The following XPO5 variants were observed in gnomAD, a reference collection of about 807,000 sequenced individuals.
XPO5 encodes the protein exportin 5.
In XPO5, 46 loss-of-function variants were observed where a neutral mutation model predicts 160.6. The ratio of observed to expected loss-of-function variants is 0.29; its 90% CI spans 0.23 to 0.37. The LOEUF (loss-of-function observed/expected upper bound fraction) is 0.37. Among genes scored for constraint, XPO5 ranks in the 10% least tolerant of loss-of-function variants. The pLI is 1.00. For synonymous variants in XPO5, 537 were observed against 519.3 expected (o/e 1.03, Z -0.46); for missense variants, 1,090 against 1,463.9 (o/e 0.74, Z 4.17).
chr6:43,526,384 T>G (rs955136332), intron 27 of XPO5: 6 of 450,150 alleles, frequency 1.3e-5, no homozygotes, highest in Non-Finnish European at 2.0e-5. Flanking sequence ...GTAGCTGGGG[T>G]TGCCATTTTT....
Position 43,575,788 on chromosome 6 carries a change from G to C in XPO5, c.77C>G (p.Thr26Ser). Residue 26 changes from threonine to serine, a missense_variant, in exon 1 of 32, where the codon ACC (threonine) becomes AGC (serine). By Grantham distance (58) the Thr-to-Ser change is moderately conservative. Coordinates refer to ENST00000265351, the MANE Select transcript of XPO5 (RefSeq NM_020750.3). ...AVTVMMDPNS[T>S]QRYRLEALKF... ...GAGGGCTTCCAGCCGGTAGCGCTGG[G>C]TGGAGTTGGGGTCCATCATGACCGT... 1 of 1,613,742 alleles carries C rather than the reference G, an allele frequency of 6.2e-7. No homozygotes were observed. The highest frequency in any genetic ancestry group is 8.5e-7 in the Non-Finnish European group (1 of 1,179,704).
At chr6:43,543,740 G>C (rs560025616) in intron 20 of XPO5, among the ~76,000 whole-genome samples, 1 of 151,750 alleles carries the variant, frequency 6.6e-6, no homozygotes, top group East Asian at 1.9e-4. Context: ...TCTTCCCTGT[G>C]ATCTTGGCTC....
At position 43,576,035 on chromosome 6, in the gene XPO5, G is replaced by A; in HGVS notation, c.-171C>T. ...CGCGCTGGGAAGAAGCCGGCGCTGC[G>A]CACGCGCCCGGCCCGCCACTGCGCA... On this transcript the variant is annotated 5_prime_UTR_variant, in exon 1 of 32. Transcript: ENST00000265351. 1 of 565,148 alleles carries A rather than the reference G, an allele frequency of 1.8e-6. No homozygotes were observed. Among genetic ancestry groups the A allele is most frequent in the Non-Finnish European group, 3.0e-6 (1 of 332,514 alleles). 35.0% of individuals were successfully genotyped at this position (565,148 alleles called of 1,614,324 possible).
At position 43,529,213 on chromosome 6, in the gene XPO5, A is replaced by G. The variant is rs200844834; in HGVS notation, c.2678-288T>C. On this transcript the variant is annotated intron_variant, in intron 23 of 31. Transcript: ENST00000265351. ...AAATAGGAAGGAGGACATCCTTGTA[A>G]CAAACTCTCCTTCACCATTCTCCTT... The G allele has an allele frequency of 1.5e-4, 208 of 1,419,706 alleles. No homozygotes were observed. In the African/African-American group the frequency reaches 2.6e-3, roughly 18 times the overall value. The allele number at this position is 1,419,706 out of a possible 1,614,324, so 87.9% of individuals were successfully genotyped here.
At chr6:43,565,623 G>T (rs1273252587) in intron 8 of XPO5, 37 bp downstream of exon 8, 8 of 1,460,134 alleles carry the variant, frequency 5.5e-6, no homozygotes, top group Non-Finnish European at 7.4e-6. Flanking sequence ...AAATGACAAA[G>T]AAATTAGAAA....
chr6:43,523,555 G>A lies in XPO5; in HGVS notation c.*313C>T. ...CTGTACAGGTATGTGGCTGCACGGGGGTGGGAGGGCTTGTGGGAGAAGGGC... is the reference window on the plus strand; with the variant it reads ...CTGTACAGGTATGTGGCTGCACGGGAGTGGGAGGGCTTGTGGGAGAAGGGC... On this transcript the variant is annotated 3_prime_UTR_variant, in exon 32 of 32. Coordinates refer to ENST00000265351, the MANE Select transcript of XPO5 (RefSeq NM_020750.3). 3.7e-6 allele frequency: 2 copies of A among 534,010 alleles called. No homozygotes were observed. Among genetic ancestry groups the A allele is most frequent in the Non-Finnish European group, 7.3e-6 (2 of 273,676 alleles). 33.1% of individuals were successfully genotyped at this position (534,010 alleles called of 1,614,324 possible). A position where few individuals can be genotyped will look rare whatever the true frequency, so the allele number is the denominator to read the frequency against.
intron 15 of XPO5, among the ~76,000 whole-genome samples, chr6:43,550,383 AAAT>A: frequency 6.6e-6 from 1 of 152,312 alleles, no homozygotes; most frequent in East Asian, 1.9e-4. Context: ...TCTCCAACTC[AAAT>A]AATTTGCAAC....
intron 12 of XPO5, among the ~76,000 whole-genome samples, chr6:43,557,356 G>T (rs1181549745): frequency 6.6e-6 from 1 of 151,270 alleles, no homozygotes; most frequent in Non-Finnish European, 1.5e-5. Flanking sequence ...AATCCGGGAG[G>T]CAGAGGTTGC....
At position 43,560,957 on chromosome 6, in the gene XPO5, T is replaced by C. The variant is rs754194962; in HGVS notation, c.1062A>G (p.Glu354=). The part of the protein sequence containing the change: ...ETPSNFGKYL[E]SFLAFTTHPS... ...GATGGGTTGTGAAAGCAAGAAAAGA[T>C]TCCAGGTATTTTCCAAAGTTTGATG... Residue 354 remains glutamate, a synonymous_variant, in exon 10 of 32, where the codon GAA becomes GAG. Transcript: ENST00000265351. The C allele has an allele frequency of 7.4e-6, 12 of 1,613,842 alleles. No individual in the cohort carries two copies.
At position 43,551,426 on chromosome 6, in the gene XPO5, G is replaced by C. The variant is rs199686881; in HGVS notation, c.1600C>G (p.Leu534Val). The change falls in exon 15 of 32, where the codon CTA becomes GTA. Residue 534 changes from leucine (L) to valine (V), a missense_variant. Coordinates refer to ENST00000265351, the MANE Select transcript of XPO5 (RefSeq NM_020750.3). The part of the protein sequence containing the change: ...EEIPVNDGIE[L>V]LQMVLNFDTK... ...TCAAAGTTCAGAACCATCTGCAATA[G>C]CTCTATTCCATCATTAACAGGAATT... The C allele has an allele frequency of 8.1e-6, 13 of 1,613,658 alleles. No individual in the cohort carries two copies. In the African/African-American group the frequency reaches 1.2e-4, roughly 15 times the overall value.
At chr6:43,556,294 T>TGGGCA (rs1464744853) in intron 12 of XPO5, among the ~76,000 whole-genome samples, 2 of 152,050 alleles carry the variant, frequency 1.3e-5, no homozygotes, top group Admixed American at 6.6e-5. Flanking sequence ...GAGGCCAAGG[T>TGGGCA]GGGCAGACTG....
Position 43,522,814 on chromosome 6 carries a change from C to A in XPO5, c.*1054G>T. ...AACTCTGCCTTACGGCCAGTAATAA[C>A]CTCAGGGCCAGGTCCCGTATCCATG... is the stretch of plus-strand genomic sequence containing the variant. On this transcript the variant is annotated 3_prime_UTR_variant, in exon 32 of 32. Transcript: ENST00000265351. 1 of 367,704 alleles carries A rather than the reference C, an allele frequency of 2.7e-6. No homozygotes were observed. Among genetic ancestry groups the A allele is most frequent in the Non-Finnish European group, 6.1e-6 (1 of 163,248 alleles). The allele number at this position is 367,704 out of a possible 1,614,324, so 22.8% of individuals were successfully genotyped here. A position where few individuals can be genotyped will look rare whatever the true frequency, so the allele number is the denominator to read the frequency against.
rs531471304 is a variant in XPO5, at chr6:43,565,971, G to A, written c.835-235C>T. ...TAAACTTACATTTTTAAATGTGTTC[G>A]GCAGGCCGAGTGCGGTGGCTCATGC... is the stretch of plus-strand genomic sequence containing the variant. On this transcript the variant is annotated intron_variant, in intron 7 of 31. Transcript: ENST00000265351. 3.9e-5 allele frequency among the ~76,000 whole-genome samples: 6 copies of A among 152,206 alleles called. No homozygotes were observed. The South Asian group carries it at 6.2e-4, about 16-fold the overall frequency.
At chr6:43,556,480 C>T (rs537351166) in intron 12 of XPO5, among the ~76,000 whole-genome samples, 3 of 148,774 alleles carry the variant, frequency 2.0e-5, no homozygotes, top group African/African-American at 7.5e-5. Flanking sequence ...GAGCCATGAT[C>T]GCAGCACCAC....
At chr6:43,560,829 A>G (rs1478518264) in intron 10 of XPO5, 95 bp downstream of exon 10, 3 of 1,082,188 alleles carry the variant, frequency 2.8e-6, no homozygotes, top group Admixed American at 1.8e-5. Context: ...GAAGAGTCAC[A>G]TTTTATACAT....
chr6:43,536,820 C>T (rs1274263507), intron 20 of XPO5, among the ~76,000 whole-genome samples: 1 of 138,058 alleles, frequency 7.2e-6, no homozygotes, highest in East Asian at 2.1e-4. Context: ...TTTAAAACAC[C>T]TGAAAATTTT....
chr6:43,554,293 A>G (rs1434867000), intron 13 of XPO5, among the ~76,000 whole-genome samples: 1 of 150,414 alleles, frequency 6.6e-6, no homozygotes, highest in East Asian at 1.9e-4. Flanking sequence ...TTTTTTTTTT[A>G]GTAGAGACGA....
At position 43,525,182 on chromosome 6, in the gene XPO5, G is replaced by A. The variant is rs1336881076; in HGVS notation, c.3099C>T (p.Phe1033=). ...GAGTATCTTTCCAGGCCAGGGAATT[G>A]AAGGCTGTAATTAATAGCGCTGTAC... The part of the protein sequence containing the change: ...DVCTALLITA[F]NSLAWKDTLS... Residue 1033 remains phenylalanine (F), a synonymous_variant, in exon 29 of 32, where the codon TTC becomes TTT. Transcript: ENST00000265351. 4 of 1,583,100 alleles carry A rather than the reference G, an allele frequency of 2.5e-6. No homozygotes were observed. The South Asian group carries it at 4.6e-5, about 18-fold the overall frequency.
At chr6:43,557,738 T>C (rs1416059026) in intron 12 of XPO5, among the ~76,000 whole-genome samples, 1 of 141,730 alleles carries the variant, frequency 7.1e-6, no homozygotes, top group Non-Finnish European at 1.5e-5. Context: ...ATATACTGTA[T>C]GTGGGTGAAC....
Sources: allele counts gnomAD v4.1 joint callset (sites outside exome capture counted in the v4.1 genomes callset), GRCh38; gene constraint gnomAD v4.1.1; transcripts MANE v1.5; gene names NCBI Gene and HGNC (gene_info 2026-07-23, HGNC 2026-07-21).